The following XYLT2 variants were observed in gnomAD, a reference collection of about 807,000 sequenced individuals.
The protein encoded by XYLT2 is xylosyltransferase 2, also known as UDP-D-xylose:proteoglycan core protein beta-D-xylosyltransferase.
A neutral mutation model predicts 82.6 loss-of-function variants in XYLT2; 37 were observed. The observed-to-expected ratio is 0.45, with a 90% CI of 0.34 to 0.59. The LOEUF is 0.59. Among genes scored for constraint, XYLT2 ranks in the 20% least tolerant of loss-of-function variants. XYLT2 has a pLI of 0.01. For missense variants in XYLT2, 934 were observed against 1,181.3 expected (o/e 0.79, Z 3.07); for synonymous variants, 474 against 499.0 (o/e 0.95, Z 0.67).
In XYLT2 at chr17:50,360,882, G is replaced by C; in HGVS notation, c.*591G>C. ...GGCGCTGCAGAGCTGGGCTCTAGCA[G>C]GACAGTTCTTTTGTAGCCAGGGGAC... On this transcript the variant is annotated 3_prime_UTR_variant, in exon 11 of 11. Transcript: ENST00000017003. The C allele has an allele frequency of 2.0e-6, 2 of 985,950 alleles. No individual in the cohort carries two copies. Among genetic ancestry groups the C allele is most frequent in the Non-Finnish European group, 2.4e-6 (2 of 829,992 alleles). The allele number at this position is 985,950 out of a possible 1,614,324, so 61.1% of individuals were successfully genotyped here. A position where few individuals can be genotyped will look rare whatever the true frequency, so the allele number is the denominator to read the frequency against.
At position 50,356,073 on chromosome 17, in the gene XYLT2, T is replaced by G; in HGVS notation, c.1306-12T>G. 1 of 1,614,166 alleles carries G rather than the reference T, an allele frequency of 6.2e-7. No individual in the cohort carries two copies. Among genetic ancestry groups the G allele is most frequent in the Non-Finnish European group, 8.5e-7 (1 of 1,179,968 alleles). ...CTGCAGCTCACCTTCCACTCTCCCTTGCTGCTTGCAGTCCTTCTTCCACAC... is the reference window on the plus strand; with the variant it reads ...CTGCAGCTCACCTTCCACTCTCCCTGGCTGCTTGCAGTCCTTCTTCCACAC... On this transcript the variant is annotated splice_polypyrimidine_tract_variant and intron_variant, in intron 6 of 10. Coordinates refer to ENST00000017003, the MANE Select transcript of XYLT2 (RefSeq NM_022167.4).
intron 1 of XYLT2, among the ~76,000 whole-genome samples, chr17:50,353,148 T>G (rs1912340501): frequency 6.6e-6 from 1 of 152,180 alleles, no homozygotes; most frequent in Non-Finnish European, 1.5e-5. Flanking sequence ...TGAGGTGGCC[T>G]CAGTCTTCCC....
rs1338883709 is a variant in XYLT2, at chr17:50,354,349, T to G, written c.629-59T>G. 6 of 1,534,518 alleles carry G rather than the reference T, an allele frequency of 3.9e-6. No individual in the cohort carries two copies. In the Admixed American group the frequency reaches 1.2e-4, roughly 31 times the overall value. On this transcript the variant is annotated intron_variant, in intron 2 of 10. Coordinates refer to ENST00000017003, the MANE Select transcript of XYLT2 (RefSeq NM_022167.4). ...GAAGGCAGGCAGCTCCCTCTTCCCA[T>G]CTCACCCCCACCCTGTGACCTAGGG... is the stretch of plus-strand genomic sequence containing the variant.
rs373569499 is a variant in XYLT2, at chr17:50,355,631, C to T, written c.1088+50C>T. Reference sequence around the variant, plus strand: ...TGGCCCCAGAGTCTTGTCCCAACCCCTCCCACACAGTTGGGCTCGGTGGCT... The same window carrying T: ...TGGCCCCAGAGTCTTGTCCCAACCCTTCCCACACAGTTGGGCTCGGTGGCT... On this transcript the variant is annotated intron_variant, in intron 5 of 10. Transcript: ENST00000017003. 2.7e-5 allele frequency: 44 copies of T among 1,607,074 alleles called. No individual in the cohort carries two copies. The African/African-American group carries it at 5.3e-4, about 19-fold the overall frequency.
Position 50,354,308 on chromosome 17 carries a change from A to T in XYLT2, c.629-100A>T, listed in dbSNP as rs534036249. 2.2e-5 allele frequency: 33 copies of T among 1,502,610 alleles called. No individual in the cohort carries two copies. The South Asian group carries it at 3.4e-4, about 15-fold the overall frequency. 93.1% of individuals were successfully genotyped at this position (1,502,610 alleles called of 1,614,324 possible). On this transcript the variant is annotated intron_variant, in intron 2 of 10. Coordinates refer to ENST00000017003, the MANE Select transcript of XYLT2 (RefSeq NM_022167.4). ...GGGGACCCACGAGCATGGAGCTCCAAGTCTAGGTTTCTTCGGAAGGCAGGC... is the reference window on the plus strand; with the variant it reads ...GGGGACCCACGAGCATGGAGCTCCATGTCTAGGTTTCTTCGGAAGGCAGGC...
intron 3 of XYLT2, 97 bp downstream of exon 3, chr17:50,354,680 AG>A: frequency 3.8e-6 from 5 of 1,332,274 alleles, no homozygotes; most frequent in Non-Finnish European, 4.9e-6. Flanking sequence ...CAGGTAGCCT[AG>A]GAGGGAAACT....
At chr17:50,353,525 G>A (rs1334432048) in intron 1 of XYLT2, 105 bp from the exon 2 acceptor site, 19 of 1,474,500 alleles carry the variant, frequency 1.3e-5, no homozygotes, top group Non-Finnish European at 1.7e-5. Flanking sequence ...GGTAAAAGGT[G>A]GGCAGGAACA....
rs780355083 is a variant in XYLT2, at chr17:50,357,136, G to T, written c.1825G>T (p.Ala609Ser). Reference sequence around the variant, plus strand: ...TTTCCAGGGCTACCTGGTGACGCAGGCGGTGCAGCCCTCAGCCCAGGGGCC... The same window carrying T: ...TTTCCAGGGCTACCTGGTGACGCAGTCGGTGCAGCCCTCAGCCCAGGGGCC... ...DHFQGYLVTQ[A>S]VQPSAQGPAE... Residue 609 changes from alanine (A) to serine (S), a missense_variant, in exon 9 of 11, where the codon GCG becomes TCG. By Grantham distance (99) the Ala-to-Ser change is moderately conservative. Around this residue, in one of 3 missense-constraint regions of XYLT2, gnomAD observed 374 missense variants for 465.6 expected, o/e 0.80. Transcript: ENST00000017003. 1 of 1,613,838 alleles carries T rather than the reference G, an allele frequency of 6.2e-7. No homozygotes were observed. Among genetic ancestry groups the T allele is most frequent in the Non-Finnish European group, 8.5e-7 (1 of 1,179,962 alleles).
intron 1 of XYLT2, chr17:50,347,034 A>G (rs1161061229): frequency 1.5e-6 from 1 of 687,148 alleles, no homozygotes; most frequent in African/African-American, 1.9e-5. Context: ...AGGGGCAACC[A>G]ACAGCCGTCT....
In XYLT2 at chr17:50,350,245, G is replaced by A. The variant is rs1194866157; in HGVS notation, c.136-3385G>A. 4.7e-5 allele frequency among the ~76,000 whole-genome samples: 3 copies of A among 63,352 alleles called. 1 individual carries two copies. The highest frequency in any genetic ancestry group is 4.5e-3 in the East Asian group (2 of 444). The allele number at this position is 63,352 out of a possible 152,430, so 41.6% of individuals were successfully genotyped here. ...ACTGAATGCTGTGCCTATGCCAAAAGCTTTGCATTCATTCATTCATTCATT... is the reference window on the plus strand; with the variant it reads ...ACTGAATGCTGTGCCTATGCCAAAAACTTTGCATTCATTCATTCATTCATT... On this transcript the variant is annotated intron_variant, in intron 1 of 10. Transcript: ENST00000017003.
rs73344091 is a variant in XYLT2 at position 50,355,388 on chromosome 17, G to C, written c.1008-113G>C. 0.22 allele frequency: 250,612 copies of C among 1,157,646 alleles called. 29,708 individuals are homozygous for C. The highest frequency in any genetic ancestry group is 0.33 in the African/African-American group (21,584 of 66,000). 71.7% of individuals were successfully genotyped at this position (1,157,646 alleles called of 1,614,324 possible). On this transcript the variant is annotated intron_variant, in intron 4 of 10. Transcript: ENST00000017003. ...CCACCCCAGACATCAGCCAGGGGTA[G>C]GGCACATGGCCAGCCAGCAATCAGG...
Position 50,360,828 on chromosome 17 carries a change from C to T in XYLT2, c.*537C>T. 2.0e-6 allele frequency: 2 copies of T among 985,968 alleles called. No individual in the cohort carries two copies. The highest frequency in any genetic ancestry group is 2.4e-6 in the Non-Finnish European group (2 of 830,054). 61.1% of individuals were successfully genotyped at this position (985,968 alleles called of 1,614,324 possible). A position where few individuals can be genotyped will look rare whatever the true frequency, so the allele number is the denominator to read the frequency against. ...AGGGCTGCAAGTGCCCTGCCAGGCTCTAAGGCCCGAAGAACAGGTGATATC... is the reference window on the plus strand; with the variant it reads ...AGGGCTGCAAGTGCCCTGCCAGGCTTTAAGGCCCGAAGAACAGGTGATATC... On this transcript the variant is annotated 3_prime_UTR_variant, in exon 11 of 11. Transcript: ENST00000017003.
Position 50,354,012 on chromosome 17 carries a change from T to C in XYLT2, c.518T>C (p.Leu173Pro). 1.2e-6 allele frequency: 2 copies of C among 1,607,380 alleles called. No homozygotes were observed. Among genetic ancestry groups the C allele is most frequent in the Non-Finnish European group, 1.7e-6 (2 of 1,179,904 alleles). Residue 173 changes from leucine (L) to proline (P), a missense_variant, in exon 2 of 11, where the codon CTG becomes CCG. By Grantham distance (98) the Leu-to-Pro change is moderately conservative (BLOSUM62 -3). Coordinates refer to ENST00000017003, the MANE Select transcript of XYLT2 (RefSeq NM_022167.4). ...EIVGKDALSALARASTKQCQQ... is the reference protein window; with the variant it reads ...EIVGKDALSAPARASTKQCQQ... ...GTGGGCAAGGACGCACTGTCTGCAC[T>C]GGCCCGGGCCAGCACCAAGCAGTGC...
chr17:50,346,182 CA>C lies in XYLT2; in HGVS notation c.44del (p.Lys15SerfsTer17). On this transcript the variant is annotated frameshift_variant, in exon 1 of 11. Coordinates refer to ENST00000017003, the MANE Select transcript of XYLT2 (RefSeq NM_022167.4). LOFTEE classifies it high-confidence loss of function. The surrounding 1 kb of genome is among the most constrained non-coding windows in gnomAD (Gnocchi z 5.1). ...ARVQKLVRRY[K>X]LAIATALAIL... is the part of the protein sequence containing the mutation. ...GAGTGCAGAAGCTGGTGCGGCGCTA[CA>C]AGCTGGCGATTGCCACGGCGCTGGC... 1 of 1,288,588 alleles carries C rather than the reference CA, an allele frequency of 7.8e-7. No homozygotes were observed. 79.8% of individuals were successfully genotyped at this position (1,288,588 alleles called of 1,614,324 possible).
chr17:50,346,799 G>T lies in XYLT2; in HGVS notation c.135+524G>T, dbSNP rs1396113311. On this transcript the variant is annotated intron_variant, in intron 1 of 10. Transcript: ENST00000017003. The surrounding 1 kb of genome is among the most constrained non-coding windows in gnomAD (Gnocchi z 5.1). The stretch of plus-strand genomic sequence containing the variant: ...GGAATTCAGGCCTGGGACAAAGTGT[G>T]TACCCGGGAACTGAAGGAACAGGGA... 1 of 985,306 alleles carries T rather than the reference G, an allele frequency of 1.0e-6. No individual in the cohort carries two copies. The highest frequency in any genetic ancestry group is 1.7e-5 in the African/African-American group (1 of 57,234). 61.0% of individuals were successfully genotyped at this position (985,306 alleles called of 1,614,324 possible). A position where few individuals can be genotyped will look rare whatever the true frequency, so the allele number is the denominator to read the frequency against.
rs375655126 is a variant in XYLT2 at position 50,356,711 on chromosome 17, C to T, written c.1683C>T (p.Phe561=). The change falls in exon 8 of 11, where the codon TTC becomes TTT. Residue 561 remains phenylalanine, a synonymous_variant. Coordinates refer to ENST00000017003, the MANE Select transcript of XYLT2 (RefSeq NM_022167.4). ...TCATGCTCACTGCTTACACAGCCTT[C>T]GCCCGCCTCAGCCTGCACCATGCCG... ...SDVMLTAYTA[F]ARLSLHHAAT... 18 of 1,606,800 alleles carry T rather than the reference C, an allele frequency of 1.1e-5. No homozygotes were observed. The highest frequency in any genetic ancestry group is 9.3e-5 in the African/African-American group (7 of 74,916).
At chr17:50,349,947 C>T (rs1239884687) in intron 1 of XYLT2, among the ~76,000 whole-genome samples, 4 of 152,154 alleles carry the variant, frequency 2.6e-5, no homozygotes, top group African/African-American at 9.6e-5. Context: ...CTTTGGGAGG[C>T]TGAGGCGGGC....
At chr17:50,352,141 A>T (rs1912298594) in intron 1 of XYLT2, among the ~76,000 whole-genome samples, 1 of 152,188 alleles carries the variant, frequency 6.6e-6, no homozygotes, top group Non-Finnish European at 1.5e-5. Context: ...GTGAGCATGG[A>T]GGGGAAGGCC....
At position 50,357,219 on chromosome 17, in the gene XYLT2, C is replaced by T; in HGVS notation, c.1908C>T (p.Arg636=). The change falls in exon 9 of 11, where the codon CGC becomes CGT. Residue 636 remains arginine, a synonymous_variant. Transcript: ENST00000017003. The stretch of plus-strand genomic sequence containing the variant: ...AAGGGTCGCTGAAGCTGTTGGGGCG[C>T]AGTGACCAGGCCAGCCGGCTCCAGA... ...MPQGSLKLLG[R]SDQASRLQSL... 6.2e-7 allele frequency: 1 copy of T among 1,607,514 alleles called. No homozygotes were observed. The highest frequency in any genetic ancestry group is 8.5e-7 in the Non-Finnish European group (1 of 1,178,800).
Sources: gnomAD v4.1 joint callset for allele counts (sites outside exome capture counted in the v4.1 genomes callset) on GRCh38, gnomAD v4.1.1 for gene constraint, gnomAD v4.1.1 regional missense constraint, Gnocchi (gnomAD v3.1) non-coding constraint, MANE v1.5 for transcripts, NCBI Gene and HGNC (gene_info 2026-07-23, HGNC 2026-07-21) for gene names.